ZFAND3: variants seen among roughly 807,000 people sequenced by gnomAD.
ZFAND3 encodes the protein zinc finger AN1-type containing 3.
A neutral mutation model predicts 29.6 loss-of-function variants in ZFAND3; 10 were observed. That is an observed-to-expected ratio of 0.34 (90% confidence interval 0.21 to 0.57). The LOEUF (loss-of-function observed/expected upper bound fraction) is 0.57. Ranked by LOEUF, ZFAND3 falls within the 20% of genes least tolerant of loss-of-function variation. The pLI is 0.86. For synonymous variants in ZFAND3, 128 were observed against 112.6 expected (o/e 1.14, Z -0.87); for missense variants, 230 against 304.5 (o/e 0.76, Z 1.82).
chr6:37,965,305 A>G (rs1762274065), intron 2 of ZFAND3, among the ~76,000 whole-genome samples: 1 of 152,148 alleles, frequency 6.6e-6, no homozygotes, highest in South Asian at 2.1e-4. Flanking sequence ...ACCAGTAACA[A>G]TTTCCAGACC....
At chr6:37,931,263 A>G (rs1052933836) in intron 2 of ZFAND3, among the ~76,000 whole-genome samples, 10 of 152,334 alleles carry the variant, frequency 6.6e-5, no homozygotes, top group South Asian at 2.1e-4. Flanking sequence ...GTTAGGGCCT[A>G]TCTTCAGATG....
chr6:38,107,290 C>T (rs1765228487), intron 4 of ZFAND3, among the ~76,000 whole-genome samples: 1 of 152,178 alleles, frequency 6.6e-6, no homozygotes, highest in Non-Finnish European at 1.5e-5. Context: ...CTCCTCCTTG[C>T]CAAGACACAC....
chr6:38,152,108 C>A (rs1462031842), intron 5 of ZFAND3, 127 bp from the exon 6 acceptor site: 4 of 876,474 alleles, frequency 4.6e-6, no homozygotes, highest in African/African-American at 1.7e-5. Flanking sequence ...CATCAGGAAC[C>A]CCTGCAGTGA....
intron 2 of ZFAND3, among the ~76,000 whole-genome samples, chr6:37,988,617 T>C (rs779876991): frequency 6.6e-5 from 10 of 152,236 alleles, no homozygotes; most frequent in Non-Finnish European, 1.3e-4. Context: ...CTTATTTGGC[T>C]CCCTGTCTTT....
In ZFAND3 at chr6:38,117,256, C is replaced by CTTTTTTTT. The variant is rs35684874; in HGVS notation, c.529+532_529+539dup. On this transcript the variant is annotated intron_variant, in intron 5 of 5. Coordinates refer to ENST00000287218, the MANE Select transcript of ZFAND3 (RefSeq NM_021943.3). ...TAGTCAGTTAATACCTTGAAATAGC[C>CTTTTTTTT]TTTTTTTTTTTTTTTTTTTTTTCCT... Among the ~76,000 whole-genome samples, 65 of 96,354 alleles carry CTTTTTTTT rather than the reference C, an allele frequency of 6.7e-4. 2 individuals carry two copies. Among genetic ancestry groups the CTTTTTTTT allele is most frequent in the Non-Finnish European group, 1.1e-3 (58 of 50,610 alleles). The allele number at this position is 96,354 out of a possible 152,430, so 63.2% of individuals were successfully genotyped here. A position where few individuals can be genotyped will look rare whatever the true frequency, so the allele number is the denominator to read the frequency against.
intron 5 of ZFAND3, among the ~76,000 whole-genome samples, chr6:38,146,722 C>T (rs941317779): frequency 6.6e-6 from 1 of 152,158 alleles, no homozygotes; most frequent in African/African-American, 2.4e-5. Flanking sequence ...TGCCATGACT[C>T]TTCCTCTCTC....
At chr6:37,916,685 A>T (rs974869637) in intron 1 of ZFAND3, among the ~76,000 whole-genome samples, 3 of 152,178 alleles carry the variant, frequency 2.0e-5, no homozygotes, top group Non-Finnish European at 2.9e-5. Flanking sequence ...AAGGTATGCC[A>T]TGTATAATTA....
intron 1 of ZFAND3, among the ~76,000 whole-genome samples, chr6:37,919,656 A>G (rs1472236288): frequency 6.6e-6 from 1 of 152,198 alleles, no homozygotes; most frequent in Non-Finnish European, 1.5e-5. Flanking sequence ...GACGTCATTT[A>G]TGATCTTCCT....
At chr6:38,149,377 G>A (rs1030661792) in intron 5 of ZFAND3, among the ~76,000 whole-genome samples, 3 of 146,226 alleles carry the variant, frequency 2.1e-5, no homozygotes, top group South Asian at 4.3e-4. Context: ...GCACCACAGC[G>A]CTCCAGCCTG....
At chr6:37,845,236 G>GTGAC (rs1307066152) in intron 1 of ZFAND3, among the ~76,000 whole-genome samples, 1 of 152,160 alleles carries the variant, frequency 6.6e-6, no homozygotes, top group Non-Finnish European at 1.5e-5. Context: ...TGACTGGCAA[G>GTGAC]TGGCAATCTT....
intron 5 of ZFAND3, among the ~76,000 whole-genome samples, chr6:38,135,693 C>T (rs1041433124): frequency 1.3e-5 from 2 of 151,822 alleles, no homozygotes; most frequent in African/African-American, 4.8e-5. Context: ...TGCAGTGAGC[C>T]GAGATCGCGC....
At chr6:37,933,100 CAACAT>C (rs1221284498) in intron 2 of ZFAND3, among the ~76,000 whole-genome samples, 1 of 152,150 alleles carries the variant, frequency 6.6e-6, no homozygotes, top group African/African-American at 2.4e-5. Context: ...TTTTACAAGA[CAACAT>C]AAAGATTATT....
rs367576910 is a variant in ZFAND3, at chr6:38,026,221, A to G, written c.113-35372A>G. Among the ~76,000 whole-genome samples, 272 of 152,162 alleles carry G rather than the reference A, an allele frequency of 1.8e-3. 2 individuals are homozygous for G. The highest frequency in any genetic ancestry group is 6.2e-3 in the African/African-American group (258 of 41,506). On this transcript the variant is annotated intron_variant, in intron 2 of 5. Coordinates refer to ENST00000287218, the MANE Select transcript of ZFAND3 (RefSeq NM_021943.3). ...ATACTGGATCATTTTTATACTTGATATATTGTTTTATGACTTTTCTTCATA... is the reference window on the plus strand; with the variant it reads ...ATACTGGATCATTTTTATACTTGATGTATTGTTTTATGACTTTTCTTCATA...
chr6:38,019,312 T>C (rs960306561), intron 2 of ZFAND3, among the ~76,000 whole-genome samples: 1 of 152,202 alleles, frequency 6.6e-6, no homozygotes, highest in Non-Finnish European at 1.5e-5. Flanking sequence ...TATGTTGAGG[T>C]TGAACATTTT....
chr6:37,847,833 G>A (rs1561909592), intron 1 of ZFAND3, among the ~76,000 whole-genome samples: 1 of 152,214 alleles, frequency 6.6e-6, no homozygotes, highest in Non-Finnish European at 1.5e-5. Context: ...AAAATTACAT[G>A]AAATTCAATT....
chr6:37,820,421 T>C (rs536654912), intron 1 of ZFAND3, among the ~76,000 whole-genome samples: 3 of 152,294 alleles, frequency 2.0e-5, no homozygotes, highest in Admixed American at 6.5e-5. Flanking sequence ...GCCCAGGCAC[T>C]AGGAGGGTAT....
intron 1 of ZFAND3, among the ~76,000 whole-genome samples, chr6:37,914,856 C>T (rs1761209321): frequency 6.6e-6 from 1 of 151,652 alleles, no homozygotes; most frequent in South Asian, 2.1e-4. Flanking sequence ...TAGCTGATCA[C>T]TGGCTTCAAC....
At chr6:37,999,296 G>A (rs1762904499) in intron 2 of ZFAND3, among the ~76,000 whole-genome samples, 5 of 152,152 alleles carry the variant, frequency 3.3e-5, no homozygotes. Context: ...ATTAGTGATA[G>A]ATAACTAAAA....
intron 4 of ZFAND3, among the ~76,000 whole-genome samples, chr6:38,085,486 T>C (rs999445505): frequency 3.3e-5 from 5 of 152,244 alleles, no homozygotes; most frequent in African/African-American, 1.2e-4. Context: ...GCACACAATG[T>C]ACTGTCTGAG....
Sources: gnomAD v4.1 joint callset for allele counts (sites outside exome capture counted in the v4.1 genomes callset) on GRCh38, gnomAD v4.1.1 for gene constraint, MANE v1.5 for transcripts, NCBI Gene and HGNC (gene_info 2026-07-23, HGNC 2026-07-21) for gene names.